PPP3CC: variants seen among roughly 807,000 people sequenced by gnomAD.
PPP3CC encodes serine/threonine-protein phosphatase 2B catalytic subunit gamma isoform.
PPP3CC carries 35 observed loss-of-function variants against 60.3 expected under a neutral mutation model. The observed-to-expected ratio is 0.58, with a 90% CI of 0.44 to 0.77. PPP3CC has a LOEUF of 0.77. Among genes scored for constraint, PPP3CC ranks in the 30% least tolerant of loss-of-function variants. The pLI is 0.00. For missense variants in PPP3CC, 570 were observed against 628.9 expected (o/e 0.91, Z 1.00); for synonymous variants, 206 against 224.3 (o/e 0.92, Z 0.73).
At chr8:22,485,005 G>A (rs938647974) in intron 3 of PPP3CC, among the ~76,000 whole-genome samples, 1 of 152,094 alleles carries the variant, frequency 6.6e-6, no homozygotes, top group Admixed American at 6.6e-5. Flanking sequence ...AAATATCAAT[G>A]AGATACGCAT....
rs1837644605 is a variant in PPP3CC, at chr8:22,469,366, G to T, written c.50-5588G>T. ...GTGGGGGAAAGGGGAAGGATGAAGAGAAGTGAGTTAAAGGGTACAAACATA... is the reference window on the plus strand; with the variant it reads ...GTGGGGGAAAGGGGAAGGATGAAGATAAGTGAGTTAAAGGGTACAAACATA... On this transcript the variant is annotated intron_variant, in intron 1 of 13. Coordinates refer to ENST00000240139, the MANE Select transcript of PPP3CC (RefSeq NM_005605.5). Among the ~76,000 whole-genome samples, 4 of 152,076 alleles carry T rather than the reference G, an allele frequency of 2.6e-5. No individual in the cohort carries two copies. In the South Asian group the frequency reaches 8.3e-4, roughly 31 times the overall value.
chr8:22,497,481 AT>A (rs1428163452), intron 3 of PPP3CC, among the ~76,000 whole-genome samples: 1 of 151,958 alleles, frequency 6.6e-6, no homozygotes, highest in Non-Finnish European at 1.5e-5. Flanking sequence ...TTGTATGTTA[AT>A]TTTATATCCT....
chr8:22,459,485 A>G (rs1158197265), intron 1 of PPP3CC, among the ~76,000 whole-genome samples: 4 of 147,862 alleles, frequency 2.7e-5, no homozygotes, highest in African/African-American at 8.0e-5. Flanking sequence ...GTTTAAAGAG[A>G]TAAACTTATA....
intron 8 of PPP3CC, among the ~76,000 whole-genome samples, chr8:22,525,506 CT>C (rs201472111): frequency 0.021 from 1,834 of 88,356 alleles, 39 homozygotes; most frequent in African/African-American, 0.082. Context: ...TTCTTTCTTT[CT>C]TTCTTTCTTT....
intron 8 of PPP3CC, among the ~76,000 whole-genome samples, 189 bp from the exon 9 acceptor site, chr8:22,527,203 A>C (rs1387602444): frequency 6.6e-6 from 1 of 152,204 alleles, no homozygotes; most frequent in Non-Finnish European, 1.5e-5. Flanking sequence ...GTTCCTTGGA[A>C]TAATTCTTAA....
chr8:22,453,973 T>C (rs1006130185), intron 1 of PPP3CC, among the ~76,000 whole-genome samples: 2 of 152,182 alleles, frequency 1.3e-5, no homozygotes, highest in Non-Finnish European at 2.9e-5. Context: ...GCCTAGGGCA[T>C]TACTGTAGAA....
At position 22,461,066 on chromosome 8, in the gene PPP3CC, G is replaced by A. The variant is rs1045592057; in HGVS notation, c.50-13888G>A. ...TCACCATATTGGCCAGGCTGGTCAC[G>A]AACTCCTGACCTTGTTATCCGCCCA... On this transcript the variant is annotated intron_variant, in intron 1 of 13. Transcript: ENST00000240139. 3.3e-5 allele frequency among the ~76,000 whole-genome samples: 5 copies of A among 152,114 alleles called. No individual in the cohort carries two copies. In the East Asian group the frequency reaches 5.8e-4, roughly 18 times the overall value.
At chr8:22,538,281 C>T (rs1175469932) in intron 12 of PPP3CC, among the ~76,000 whole-genome samples, 2 of 152,146 alleles carry the variant, frequency 1.3e-5, no homozygotes, top group African/African-American at 4.8e-5. Context: ...ATGCTTTGTT[C>T]TCCCACTTCC....
chr8:22,461,960 C>T (rs1837374393), intron 1 of PPP3CC, among the ~76,000 whole-genome samples: 1 of 152,144 alleles, frequency 6.6e-6, no homozygotes, highest in South Asian at 2.1e-4. Flanking sequence ...TGAGGCTGGG[C>T]ACAGTGGCTC....
rs1839943901 is a variant in PPP3CC at position 22,540,840 on chromosome 8, CA to C, written c.*40del. 6.8e-7 allele frequency: 1 copy of C among 1,471,448 alleles called. No homozygotes were observed. The highest frequency in any genetic ancestry group is 9.1e-7 in the Non-Finnish European group (1 of 1,102,808). 91.1% of individuals were successfully genotyped at this position (1,471,448 alleles called of 1,614,324 possible). A position where few individuals can be genotyped will look rare whatever the true frequency, so the allele number is the denominator to read the frequency against. ...CCGTGGCTCAGGTGGATCTAAAACT[CA>C]AGAACAAATTCTATTTATTTATTAT... On this transcript the variant is annotated 3_prime_UTR_variant, in exon 14 of 14. Transcript: ENST00000240139.
chr8:22,513,517 A>C, intron 6 of PPP3CC, 85 bp downstream of exon 6: 3 of 1,424,736 alleles, frequency 2.1e-6, no homozygotes, highest in South Asian at 1.5e-5. Context: ...TATATTTCAA[A>C]TCTATGTAGT....
intron 3 of PPP3CC, among the ~76,000 whole-genome samples, chr8:22,483,507 C>T (rs528198646): frequency 6.6e-6 from 1 of 152,134 alleles, no homozygotes; most frequent in Non-Finnish European, 1.5e-5. Flanking sequence ...AGGATGGTCA[C>T]GATCTCCTGA....
At chr8:22,515,434 G>A (rs189250005) in intron 6 of PPP3CC, among the ~76,000 whole-genome samples, 143 of 152,304 alleles carry the variant, frequency 9.4e-4, no homozygotes, top group Middle Eastern at 3.4e-3. Context: ...CAATAAACAT[G>A]AAAGTGCAGA....
chr8:22,537,981 G>A (rs1839880405), intron 12 of PPP3CC, among the ~76,000 whole-genome samples: 1 of 152,162 alleles, frequency 6.6e-6, no homozygotes, highest in African/African-American at 2.4e-5. Flanking sequence ...CACAGATTGT[G>A]GTGATGGTTG....
chr8:22,506,931 T>TAAA (rs1838941394), intron 4 of PPP3CC, among the ~76,000 whole-genome samples: 1 of 139,780 alleles, frequency 7.2e-6, no homozygotes, highest in African/African-American at 2.5e-5. Context: ...AATAAATAAA[T>TAAA]TAATTAATTA....
At chr8:22,511,308 G>A (rs1839080295) in intron 5 of PPP3CC, 77 bp downstream of exon 5, 5 of 1,446,558 alleles carry the variant, frequency 3.5e-6, no homozygotes, top group Admixed American at 3.8e-5. Context: ...TGTTTGCTTT[G>A]AGACAGAGTC....
intron 3 of PPP3CC, among the ~76,000 whole-genome samples, chr8:22,483,989 G>A (rs1838148791): frequency 6.6e-6 from 1 of 151,796 alleles, no homozygotes; most frequent in Non-Finnish European, 1.5e-5. Context: ...CTACAGGTGT[G>A]TGCTACCACA....
chr8:22,510,949 CT>C, intron 4 of PPP3CC, 136 bp from the exon 5 acceptor site: 1 of 962,178 alleles, frequency 1.0e-6, no homozygotes. Context: ...TCAAAAGTAT[CT>C]TTACAAAGAT....
chr8:22,489,703 T>TAAG (rs71206522), intron 3 of PPP3CC, among the ~76,000 whole-genome samples: 120 of 136,580 alleles, frequency 8.8e-4, no homozygotes, highest in African/African-American at 1.4e-3. Context: ...ATATTATATA[T>TAAG]TATATATAAG....
Sources: allele counts gnomAD v4.1 joint callset (sites outside exome capture counted in the v4.1 genomes callset), GRCh38; gene constraint gnomAD v4.1.1; transcripts MANE v1.5; gene names NCBI Gene and HGNC (gene_info 2026-07-23, HGNC 2026-07-21).